Variants in PTPRS observed in about 807,000 individuals in gnomAD.
PTPRS encodes receptor-type tyrosine-protein phosphatase S.
PTPRS carries 63 observed loss-of-function variants against 215.3 expected under a neutral mutation model. That is an observed-to-expected ratio of 0.29 (90% CI 0.24 to 0.36). The LOEUF is 0.36. PTPRS is among the 10% of genes least tolerant of loss of function. The pLI is 1.00. For synonymous variants in PTPRS, 1,404 were observed against 1,191.4 expected (o/e 1.18, Z -3.68); for missense variants, 2,258 against 2,825.8 (o/e 0.80, Z 4.56).
At chr19:5,306,208 A>G (rs2049489090) in intron 1 of PTPRS, among the ~76,000 whole-genome samples, 1 of 150,108 alleles carries the variant, frequency 6.7e-6, no homozygotes, top group African/African-American at 2.4e-5. Context: ...ACAGCGGCAC[A>G]ATCTCAGCTC....
At chr19:5,243,382 C>A (rs962304153) in intron 11 of PTPRS, among the ~76,000 whole-genome samples, 1 of 152,038 alleles carries the variant, frequency 6.6e-6, no homozygotes, top group African/African-American at 2.4e-5. Context: ...GTAATCCACT[C>A]GCCTCCGACT....
chr19:5,234,044 G>A (rs1335771643), intron 13 of PTPRS, among the ~76,000 whole-genome samples: 1 of 144,840 alleles, frequency 6.9e-6, no homozygotes, highest in African/African-American at 2.5e-5. Flanking sequence ...TACCTACCAT[G>A]TGCCAGGTGT....
intron 35 of PTPRS, among the ~76,000 whole-genome samples, chr19:5,209,965 G>A (rs1191550513): frequency 3.3e-5 from 5 of 152,100 alleles, no homozygotes; most frequent in African/African-American, 7.2e-5. Context: ...TCACCCAACA[G>A]GGCCACCTTC....
At chr19:5,221,816 T>C (rs1003879204) in intron 19 of PTPRS, among the ~76,000 whole-genome samples, 4 of 152,172 alleles carry the variant, frequency 2.6e-5, no homozygotes, top group Non-Finnish European at 5.9e-5. Context: ...GCCCCAACTC[T>C]GATTTCCAAT....
At chr19:5,284,216 C>T (rs1473742693) in intron 2 of PTPRS, among the ~76,000 whole-genome samples, 3 of 151,130 alleles carry the variant, frequency 2.0e-5, no homozygotes, top group Admixed American at 2.0e-4. Flanking sequence ...AAAAATTAGC[C>T]GGGTGTGGTG....
In PTPRS at chr19:5,250,188, C is replaced by A. The variant is rs936539989; in HGVS notation, c.719-4143G>T. 3.3e-5 allele frequency among the ~76,000 whole-genome samples: 5 copies of A among 152,310 alleles called. No homozygotes were observed. In the East Asian group the frequency reaches 7.7e-4, roughly 24 times the overall value. ...AAACTTGCCCACTTGCTTTCTCACC[C>A]GCCTCATTTGTTTCAAAGGGTGTGC... On this transcript the variant is annotated intron_variant, in intron 9 of 37. Coordinates refer to ENST00000262963, the MANE Select transcript of PTPRS (RefSeq NM_002850.4).
At chr19:5,223,564 T>A (rs1218235232) in intron 17 of PTPRS, among the ~76,000 whole-genome samples, 1 of 42,000 alleles carries the variant, frequency 2.4e-5, no homozygotes, top group African/African-American at 5.9e-5. Context: ...GTTGTGATTT[T>A]TTTTTTTTTT....
intron 1 of PTPRS, among the ~76,000 whole-genome samples, chr19:5,311,129 C>T (rs1358390470): frequency 2.0e-5 from 3 of 152,152 alleles, no homozygotes; most frequent in African/African-American, 7.2e-5. Flanking sequence ...CCACCTGACT[C>T]GGCCTCCCGA....
intron 12 of PTPRS, among the ~76,000 whole-genome samples, chr19:5,239,613 GGA>G (rs1164955492): frequency 6.6e-6 from 1 of 151,212 alleles, no homozygotes; most frequent in Non-Finnish European, 1.5e-5. Flanking sequence ...GAGAAACAGG[GGA>G]GAGAGACAGA....
At chr19:5,276,087 G>A (rs891238605) in intron 2 of PTPRS, among the ~76,000 whole-genome samples, 2 of 152,240 alleles carry the variant, frequency 1.3e-5, no homozygotes, top group African/African-American at 4.8e-5. Context: ...GGCTGGACAT[G>A]CACAGCCAGG....
rs1321025542 is a variant in PTPRS, at chr19:5,334,386, A to T, written c.-95+6278T>A. 2.0e-5 allele frequency among the ~76,000 whole-genome samples: 3 copies of T among 152,246 alleles called. No individual in the cohort carries two copies. In the East Asian group the frequency reaches 5.8e-4, roughly 29 times the overall value. ...CAGCTACATTCTAGGTGCCGTTCTGAATCTGTGCTTACACACGTTAACTCA... is the reference window on the plus strand; with the variant it reads ...CAGCTACATTCTAGGTGCCGTTCTGTATCTGTGCTTACACACGTTAACTCA... On this transcript the variant is annotated intron_variant, in intron 1 of 37. Coordinates refer to ENST00000262963, the MANE Select transcript of PTPRS (RefSeq NM_002850.4).
rs765070220 is a variant in PTPRS at position 5,260,787 on chromosome 19, G to A, written c.595+18C>T. ...CAAGAGCGAGCGTGAGTGGGTGGGTGAGTGAGGAGCCTCTTACCTCGAATC... is the reference window on the plus strand; with the variant it reads ...CAAGAGCGAGCGTGAGTGGGTGGGTAAGTGAGGAGCCTCTTACCTCGAATC... On this transcript the variant is annotated intron_variant, in intron 7 of 37. Coordinates refer to ENST00000262963, the MANE Select transcript of PTPRS (RefSeq NM_002850.4). 1 of 1,613,622 alleles carries A rather than the reference G, an allele frequency of 6.2e-7. No individual in the cohort carries two copies. Among genetic ancestry groups the A allele is most frequent in the South Asian group, 1.1e-5 (1 of 91,046 alleles).
rs889144167 is a variant in PTPRS at position 5,257,372 on chromosome 19, C to T, written c.706+645G>A. 2.2e-6 allele frequency: 1 copy of T among 453,728 alleles called. No homozygotes were observed. 28.1% of individuals were successfully genotyped at this position (453,728 alleles called of 1,614,324 possible). A position where few individuals can be genotyped will look rare whatever the true frequency, so the allele number is the denominator to read the frequency against. On this transcript the variant is annotated intron_variant, in intron 8 of 37. Transcript: ENST00000262963. The surrounding 1 kb of genome is among the most constrained non-coding windows in gnomAD (Gnocchi z 4.4). ...CCCCAGCTCGGTGCAACTACCGAGC[C>T]CCCCGGGTGCCTGTGCCCGCTGTGG...
At chr19:5,276,530 CGTGTTTTTTTTTT>C (rs2047377968) in intron 2 of PTPRS, among the ~76,000 whole-genome samples, 1 of 19,148 alleles carries the variant, frequency 5.2e-5, no homozygotes, top group East Asian at 6.1e-4. Flanking sequence ...GCCTGGAGTA[CGTGTTTTTTTTTT>C]GTTTTTGTTT....
rs539362696 is a variant in PTPRS at position 5,268,263 on chromosome 19, T to C, written c.380-3067A>G. Among the ~76,000 whole-genome samples, 6 of 152,222 alleles carry C rather than the reference T, an allele frequency of 3.9e-5. No individual in the cohort carries two copies. The South Asian group carries it at 1.2e-3, about 32-fold the overall frequency. On this transcript the variant is annotated intron_variant, in intron 4 of 37. Coordinates refer to ENST00000262963, the MANE Select transcript of PTPRS (RefSeq NM_002850.4). ...TCGTTTCTCAGCTTTTCCAACACAA[T>C]GGCAGAGTTTTGGGTTGTTGCTGCG...
chr19:5,229,217 CG>C (rs1454710372), intron 16 of PTPRS, 98 bp downstream of exon 16: 1 of 1,239,174 alleles, frequency 8.1e-7, no homozygotes, highest in Non-Finnish European at 1.0e-6. Flanking sequence ...AGGAGGAGAC[CG>C]TTTTACTACT....
At chr19:5,254,424 G>T (rs573927762) in intron 9 of PTPRS, among the ~76,000 whole-genome samples, 1 of 85,536 alleles carries the variant, frequency 1.2e-5, no homozygotes, top group South Asian at 3.3e-4. Flanking sequence ...TTATTGGGGG[G>T]TGTTTTTTAT....
chr19:5,258,118 T>C lies in PTPRS; in HGVS notation c.605A>G (p.Gln202Arg). The C allele has an allele frequency of 1.9e-6, 3 of 1,614,032 alleles. No homozygotes were observed. The highest frequency in any genetic ancestry group is 2.5e-6 in the Non-Finnish European group (3 of 1,179,874). The change falls in exon 8 of 38, where the codon CAG becomes CGG. Residue 202 changes from glutamine (Q) to arginine (R), a missense_variant. Gln to Arg is a conservative substitution (Grantham distance 43). Around this residue, in one of 6 missense-constraint regions of PTPRS, gnomAD observed 508 missense variants for 799.4 expected, o/e 0.64. Coordinates refer to ENST00000262963, the MANE Select transcript of PTPRS (RefSeq NM_002850.4). ...FESTPIRGAL[Q>R]IESSEETDQG... ...GTCGGTTTCCTCACTGCTTTCAATCTGCAGGGCTCCTGTGGGAAGATGGGA... is the reference window on the plus strand; with the variant it reads ...GTCGGTTTCCTCACTGCTTTCAATCCGCAGGGCTCCTGTGGGAAGATGGGA...
At chr19:5,301,511 T>C (rs1353303661) in intron 1 of PTPRS, among the ~76,000 whole-genome samples, 2 of 152,038 alleles carry the variant, frequency 1.3e-5, no homozygotes, top group African/African-American at 4.8e-5. Context: ...AGACAGGGTT[T>C]CACCATATTG....
Sources: gnomAD v4.1 joint callset for allele counts (sites outside exome capture counted in the v4.1 genomes callset) on GRCh38, gnomAD v4.1.1 for gene constraint, gnomAD v4.1.1 regional missense constraint, Gnocchi (gnomAD v3.1) non-coding constraint, MANE v1.5 for transcripts, NCBI Gene and HGNC (gene_info 2026-07-23, HGNC 2026-07-21) for gene names.